The following SYN3 variants were observed in gnomAD, a reference collection of about 807,000 sequenced individuals.
SYN3 encodes synapsin III, also known as synapsin-3.
In SYN3, 35 loss-of-function variants were observed where a neutral mutation model predicts 65.8. The observed-to-expected ratio is 0.53, with a 90% confidence interval of 0.41 to 0.70. The LOEUF is 0.70. SYN3 is among the 30% of genes least tolerant of loss of function. The probability of loss-of-function intolerance (pLI) is 0.00; values close to 1 mark genes in which losing one functional copy is unlikely to be tolerated. For synonymous variants in SYN3, 270 were observed against 292.9 expected (o/e 0.92, Z 0.80); for missense variants, 680 against 749.0 (o/e 0.91, Z 1.08).
rs182545934 is a variant in SYN3 at position 32,856,051 on chromosome 22, A to G, written c.711+8864T>C. 8.5e-5 allele frequency among the ~76,000 whole-genome samples: 13 copies of G among 152,326 alleles called. No individual in the cohort carries two copies. In the East Asian group the frequency reaches 2.3e-3, roughly 27 times the overall value. On this transcript the variant is annotated intron_variant, in intron 6 of 13. Coordinates refer to ENST00000358763, the MANE Select transcript of SYN3 (RefSeq NM_003490.4). ...TGAATTCAACGTTCACCAGCCAAAT[A>G]GAATTTCTATAAAGTGGGGTTTGTA... is the stretch of plus-strand genomic sequence containing the variant.
chr22:32,603,913 G>A (rs2059324947), intron 6 of SYN3, among the ~76,000 whole-genome samples: 1 of 152,198 alleles, frequency 6.6e-6, no homozygotes, highest in African/African-American at 2.4e-5. Flanking sequence ...GGGGCAGACC[G>A]ATTTTGGAAA....
chr22:32,918,893 G>T (rs1355933969), intron 4 of SYN3, among the ~76,000 whole-genome samples: 1 of 152,214 alleles, frequency 6.6e-6, no homozygotes, highest in Non-Finnish European at 1.5e-5. Context: ...GCAGCTTGGA[G>T]AAGGCAGAGC....
At chr22:32,724,383 T>C (rs1601987848) in intron 6 of SYN3, among the ~76,000 whole-genome samples, 1 of 152,148 alleles carries the variant, frequency 6.6e-6, no homozygotes, top group East Asian at 1.9e-4. Flanking sequence ...GGTAATTTTG[T>C]AAGAGCATAA....
chr22:32,765,883 T>C (rs543640006), intron 6 of SYN3, among the ~76,000 whole-genome samples: 191 of 152,312 alleles, frequency 1.3e-3, no homozygotes, highest in African/African-American at 4.4e-3. Context: ...GGAGCCAATC[T>C]GAGATGGAGA....
intron 5 of SYN3, among the ~76,000 whole-genome samples, chr22:32,866,974 T>C (rs577474191): frequency 6.6e-6 from 1 of 152,316 alleles, no homozygotes; most frequent in East Asian, 1.9e-4. Flanking sequence ...TATTAAATCA[T>C]AACCCTACCA....
intron 7 of SYN3, 53 bp downstream of exon 7, chr22:32,596,621 T>C (rs1192131945): frequency 1.3e-6 from 2 of 1,585,904 alleles, no homozygotes; most frequent in Non-Finnish European, 1.7e-6. Context: ...GAACAGGTAG[T>C]CTGGGGAATC....
intron 6 of SYN3, among the ~76,000 whole-genome samples, chr22:32,734,146 C>A (rs777773781): frequency 4.6e-5 from 7 of 152,156 alleles, no homozygotes; most frequent in Non-Finnish European, 8.8e-5. Context: ...AATCCCTCAT[C>A]TGGTGTCTGA....
At chr22:32,581,362 G>C (rs1269738126) in intron 7 of SYN3, among the ~76,000 whole-genome samples, 2 of 152,194 alleles carry the variant, frequency 1.3e-5, no homozygotes, top group African/African-American at 4.8e-5. Context: ...GCCCGCCTTG[G>C]CATCCCAAAG....
chr22:32,572,452 C>CT (rs1160451423), intron 7 of SYN3, among the ~76,000 whole-genome samples: 1 of 124,286 alleles, frequency 8.0e-6, no homozygotes, highest in Non-Finnish European at 1.7e-5. Context: ...CCTTCCTTTC[C>CT]TCCCTTCCTT....
At chr22:32,630,184 A>G (rs143829425) in intron 6 of SYN3, among the ~76,000 whole-genome samples, 6 of 151,932 alleles carry the variant, frequency 3.9e-5, no homozygotes, top group African/African-American at 1.5e-4. Flanking sequence ...GGGTTTCACC[A>G]TGTTGGCCAA....
intron 6 of SYN3, among the ~76,000 whole-genome samples, chr22:32,668,019 CT>C (rs1310712804): frequency 6.6e-6 from 1 of 151,910 alleles, no homozygotes; most frequent in Non-Finnish European, 1.5e-5. Flanking sequence ...TGGTCTCCAT[CT>C]CCTGACCTGA....
chr22:32,617,332 G>T (rs1004892568), intron 6 of SYN3, among the ~76,000 whole-genome samples: 9 of 152,166 alleles, frequency 5.9e-5, no homozygotes, highest in Non-Finnish European at 1.3e-4. Context: ...CCAGTGTGGG[G>T]TTTGGAGCGG....
chr22:32,827,419 G>C (rs1017034681), intron 6 of SYN3, among the ~76,000 whole-genome samples: 4 of 152,170 alleles, frequency 2.6e-5, no homozygotes, highest in Admixed American at 6.5e-5. Flanking sequence ...CAAATACCCT[G>C]GTGCCAGTCC....
chr22:32,529,171 A>G (rs2058030637), intron 10 of SYN3, 163 bp from the exon 11 acceptor site: 1 of 810,746 alleles, frequency 1.2e-6, no homozygotes, highest in East Asian at 2.6e-5. Context: ...CGGCAGCGAC[A>G]TCAGTTCCCT....
chr22:32,851,617 A>T (rs2048220434), intron 6 of SYN3, among the ~76,000 whole-genome samples: 1 of 152,108 alleles, frequency 6.6e-6, no homozygotes, highest in African/African-American at 2.4e-5. Context: ...CCCTCGTCTT[A>T]CTTCTGACAG....
intron 6 of SYN3, among the ~76,000 whole-genome samples, chr22:32,664,717 T>C (rs1023554110): frequency 6.7e-6 from 1 of 149,884 alleles, no homozygotes; most frequent in Admixed American, 6.7e-5. Context: ...CAGCCTCCCT[T>C]GTAGCTGGGA....
At chr22:32,725,010 C>T (rs1356778233) in intron 6 of SYN3, among the ~76,000 whole-genome samples, 1 of 152,160 alleles carries the variant, frequency 6.6e-6, no homozygotes. Flanking sequence ...ATCCCAGCTA[C>T]TTGGGAGACT....
intron 4 of SYN3, among the ~76,000 whole-genome samples, chr22:32,908,083 C>A (rs901260706): frequency 3.3e-5 from 5 of 151,872 alleles, no homozygotes; most frequent in African/African-American, 1.2e-4. Context: ...AGAGGCCATA[C>A]CTTTTTTCTT....
At chr22:33,042,096 A>G (rs896145510) in intron 1 of SYN3, among the ~76,000 whole-genome samples, 5 of 152,178 alleles carry the variant, frequency 3.3e-5, no homozygotes, top group African/African-American at 4.8e-5. Flanking sequence ...ATGCATTTAC[A>G]AGAAAAGACA....
Sources: allele counts gnomAD v4.1 joint callset (sites outside exome capture counted in the v4.1 genomes callset), GRCh38; gene constraint gnomAD v4.1.1; transcripts MANE v1.5; gene names NCBI Gene and HGNC (gene_info 2026-07-23, HGNC 2026-07-21).